AFF2: variants seen among roughly 807,000 people sequenced by gnomAD.
AFF2 encodes the protein AF4/FMR2 family member 2.
AFF2 carries 14 observed loss-of-function variants against 76.9 expected under a neutral mutation model. The observed-to-expected ratio is 0.18, with a 90% CI of 0.12 to 0.28. The LOEUF (loss-of-function observed/expected upper bound fraction) is 0.28. Among genes scored for constraint, AFF2 ranks in the 10% least tolerant of loss-of-function variants. The pLI is 1.00. For synonymous variants in AFF2, 398 were observed against 366.7 expected, an observed-to-expected ratio of 1.09 and a Z score of -0.98; for missense variants, 868 against 1,001.1, an observed-to-expected ratio of 0.87 and a Z score of 1.79.
At position 148,614,738 on chromosome X, in the gene AFF2, TTTTCTTTCTTTCTTTC is replaced by T. The variant is rs563984440; in HGVS notation, c.48-37222_48-37207del. On this transcript the variant is annotated intron_variant, in intron 1 of 20. Transcript: ENST00000370460. ...CTTTCTTTCTTTCTTTCTTTCCTTC[TTTTCTTTCTTTCTTTC>T]TTTCTTTCTTTCTTTCTTTCTTTCT... 1.6e-3 allele frequency among the ~76,000 whole-genome samples: 86 copies of T among 55,272 alleles called. 1 individual carries two copies. Among genetic ancestry groups the T allele is most frequent in the Non-Finnish European group, 1.6e-3 (51 of 31,075 alleles). 48.0% of individuals were successfully genotyped at this position (55,272 alleles called of 115,157 possible). A position where few individuals can be genotyped will look rare whatever the true frequency, so the allele number is the denominator to read the frequency against.
At chrX:148,879,591 C>T (rs1557278236) in intron 7 of AFF2, among the ~76,000 whole-genome samples, 1 of 111,695 alleles carries the variant, frequency 9.0e-6, no homozygotes, top group African/African-American at 3.3e-5. Context: ...TTTAAGCCTT[C>T]GTTTGGTAGC....
intron 8 of AFF2, among the ~76,000 whole-genome samples, chrX:148,893,406 A>G (rs900439566): frequency 1.1e-4 from 12 of 111,719 alleles, no homozygotes; most frequent in Non-Finnish European, 2.1e-4. Flanking sequence ...TTCAGTACCA[A>G]TTTTTTTGAC....
chrX:148,881,357 G>A (rs1375668633), intron 7 of AFF2, among the ~76,000 whole-genome samples: 10 of 111,591 alleles, frequency 9.0e-5, no homozygotes, highest in Non-Finnish European at 1.9e-4. Flanking sequence ...CTCAAGGTGA[G>A]CACAACTTCA....
intron 1 of AFF2, chrX:148,547,407 G>C (rs782528036): frequency 2.7e-5 from 3 of 111,946 alleles, no homozygotes; most frequent in Non-Finnish European, 5.6e-5. Flanking sequence ...GAATATCCAG[G>C]GAACTGTTTG....
chrX:148,656,530 C>T (rs1306083285), intron 2 of AFF2, among the ~76,000 whole-genome samples: 6 of 84,251 alleles, frequency 7.1e-5, no homozygotes, highest in African/African-American at 2.9e-4. Context: ...GACGGAGTCT[C>T]GCTCTGTCGC....
intron 1 of AFF2, among the ~76,000 whole-genome samples, chrX:148,640,399 C>T (rs962599776): frequency 9.0e-6 from 1 of 111,165 alleles, no homozygotes; most frequent in Non-Finnish European, 1.9e-5. Flanking sequence ...TCCCTCCCTC[C>T]CTCTGGCTTC....
intron 16 of AFF2, among the ~76,000 whole-genome samples, chrX:148,977,083 G>A (rs2072335097): frequency 8.9e-6 from 1 of 112,087 alleles, no homozygotes; most frequent in South Asian, 3.7e-4. Context: ...TCTTATAAAT[G>A]AGAACTTTCA....
chrX:148,826,963 T>TG (rs1263935666), intron 4 of AFF2, among the ~76,000 whole-genome samples: 2 of 110,664 alleles, frequency 1.8e-5, no homozygotes, highest in Non-Finnish European at 3.8e-5. Flanking sequence ...TATCTGTGGA[T>TG]GGGGGGCGGG....
chrX:148,524,123 C>CTGTGTGTGTGTG (rs59890095), intron 1 of AFF2, among the ~76,000 whole-genome samples: 3 of 83,464 alleles, frequency 3.6e-5, no homozygotes, highest in African/African-American at 1.6e-4. Context: ...CTCTCTCTCT[C>CTGTGTGTGTGTG]TGTGTGTGTG....
Position 148,748,225 on chromosome X carries a change from C to T in AFF2, c.1042-61651C>T, listed in dbSNP as rs782168639. Among the ~76,000 whole-genome samples, 3 of 112,309 alleles carry T rather than the reference C, an allele frequency of 2.7e-5. No homozygotes were observed. In the Admixed American group the frequency reaches 2.8e-4, roughly 11 times the overall value. ...GAATAACAATTGACTTCTCACTTTACACTGAGAGGGTAGAAGGGCTGTGTT... is the reference window on the plus strand; with the variant it reads ...GAATAACAATTGACTTCTCACTTTATACTGAGAGGGTAGAAGGGCTGTGTT... On this transcript the variant is annotated intron_variant, in intron 3 of 20. Coordinates refer to ENST00000370460, the MANE Select transcript of AFF2 (RefSeq NM_002025.4).
intron 1 of AFF2, among the ~76,000 whole-genome samples, chrX:148,581,660 A>C (rs371678946): frequency 3.6e-5 from 4 of 111,108 alleles, no homozygotes; most frequent in African/African-American, 1.3e-4. Flanking sequence ...ACATATACGT[A>C]TACGTGTACA....
chrX:148,504,533 G>A (rs2052386953), intron 1 of AFF2, among the ~76,000 whole-genome samples: 1 of 112,644 alleles, frequency 8.9e-6, no homozygotes, highest in Non-Finnish European at 1.9e-5. Flanking sequence ...TTGCAAACGG[G>A]CAGTTATACA....
intron 3 of AFF2, among the ~76,000 whole-genome samples, chrX:148,800,918 A>T (rs1380867811): frequency 8.9e-6 from 1 of 112,533 alleles, no homozygotes; most frequent in Non-Finnish European, 1.9e-5. Context: ...AACTCCGTCT[A>T]ATGTTCTAAA....
chrX:148,792,249 A>G (rs868980800), intron 3 of AFF2, among the ~76,000 whole-genome samples: 1 of 112,191 alleles, frequency 8.9e-6, no homozygotes. Flanking sequence ...TAGGCCTGGT[A>G]CACCTAAATG....
chrX:148,623,345 G>C (rs1413281437), intron 1 of AFF2, among the ~76,000 whole-genome samples: 1 of 110,700 alleles, frequency 9.0e-6, no homozygotes, highest in African/African-American at 3.3e-5. Context: ...AAGGCTTAGA[G>C]CTGGAAAGAA....
intron 1 of AFF2, among the ~76,000 whole-genome samples, chrX:148,650,191 A>T (rs2054189585): frequency 9.0e-6 from 1 of 111,044 alleles, no homozygotes; most frequent in South Asian, 3.9e-4. Context: ...CAAGCGCCAC[A>T]CTTAACGGAC....
chrX:148,811,455 A>C (rs2070201828), intron 4 of AFF2, among the ~76,000 whole-genome samples: 1 of 111,819 alleles, frequency 8.9e-6, no homozygotes. Context: ...AGGAATGCAC[A>C]CTGGGAACTC....
At chrX:148,633,756 C>A (rs2054002090) in intron 1 of AFF2, among the ~76,000 whole-genome samples, 1 of 112,732 alleles carries the variant, frequency 8.9e-6, no homozygotes, top group South Asian at 3.6e-4. Context: ...TGCTTGCAGA[C>A]ACTATGTCCT....
intron 2 of AFF2, among the ~76,000 whole-genome samples, chrX:148,656,063 T>A (rs2054248373): frequency 8.9e-6 from 1 of 111,947 alleles, no homozygotes; most frequent in Admixed American, 9.4e-5. Context: ...GGACCTATTA[T>A]CCTTTCTTGG....
Sources: allele counts gnomAD v4.1 joint callset (sites outside exome capture counted in the v4.1 genomes callset), GRCh38; gene constraint gnomAD v4.1.1; transcripts MANE v1.5; gene names NCBI Gene and HGNC (gene_info 2026-07-23, HGNC 2026-07-21).